Variants in NID1 observed in about 807,000 individuals in gnomAD.
The protein encoded by NID1 is nidogen 1.
NID1 carries 76 observed loss-of-function variants against 130.6 expected under a neutral mutation model. That is an observed-to-expected ratio of 0.58 (90% CI 0.48 to 0.70). The LOEUF (loss-of-function observed/expected upper bound fraction) is 0.70, where lower values mean the gene tolerates loss of function less well. Among genes scored for constraint, NID1 ranks in the 30% least tolerant of loss-of-function variants. The pLI is 0.00. For synonymous variants in NID1, 665 were observed against 675.1 expected (o/e 0.98, Z 0.23); for missense variants, 1,517 against 1,664.8 (o/e 0.91, Z 1.54).
chr1:235,981,850 A>G, intron 15 of NID1, 68 bp from the exon 16 acceptor site: 1 of 1,402,298 alleles, frequency 7.1e-7, no homozygotes, highest in Non-Finnish European at 9.7e-7. Context: ...GGTTTTTCTG[A>G]ATACTCAATG....
chr1:236,001,949 C>T (rs151246072), intron 12 of NID1, among the ~76,000 whole-genome samples: 8 of 152,338 alleles, frequency 5.3e-5, no homozygotes, highest in South Asian at 2.1e-4. Context: ...AGTCATCATA[C>T]GCTTCAGGTC....
At chr1:236,040,977 A>T (rs1366281367) in intron 4 of NID1, among the ~76,000 whole-genome samples, 1 of 152,136 alleles carries the variant, frequency 6.6e-6, no homozygotes, top group African/African-American at 2.4e-5. Flanking sequence ...AACATCTTTT[A>T]TAAGAAAAAT....
chr1:236,022,136 G>T (rs2102823583), intron 9 of NID1, among the ~76,000 whole-genome samples: 2 of 152,122 alleles, frequency 1.3e-5, no homozygotes, highest in Non-Finnish European at 2.9e-5. Context: ...AGGCATGGTG[G>T]CACACTTGTA....
At chr1:235,984,850 A>G (rs1019380747) in intron 15 of NID1, among the ~76,000 whole-genome samples, 1 of 152,144 alleles carries the variant, frequency 6.6e-6, no homozygotes, top group Non-Finnish European at 1.5e-5. Flanking sequence ...TGGCATCCTT[A>G]ATGAGGAATT....
At chr1:236,003,452 G>A (rs991999640) in intron 12 of NID1, among the ~76,000 whole-genome samples, 3 of 152,188 alleles carry the variant, frequency 2.0e-5, no homozygotes, top group African/African-American at 4.8e-5. Context: ...GGGGCTAATC[G>A]TACCAGCAGT....
In NID1 at chr1:236,029,482, G is replaced by A. The variant is rs3818238; in HGVS notation, c.1738+68C>T. On this transcript the variant is annotated intron_variant, in intron 7 of 19. Coordinates refer to ENST00000264187, the MANE Select transcript of NID1 (RefSeq NM_002508.3). ...GAGACAGCCCCAGTTCACGGCTGCCGTGGTGGGTCAAGAGCACGAGGCTAG... is the reference window on the plus strand; with the variant it reads ...GAGACAGCCCCAGTTCACGGCTGCCATGGTGGGTCAAGAGCACGAGGCTAG... 113,402 of 1,464,492 alleles carry A rather than the reference G, an allele frequency of 0.077. 9,415 individuals are homozygous for A. Among genetic ancestry groups the A allele is most frequent in the East Asian group, 0.43 (17,162 of 40,182 alleles). The allele number at this position is 1,464,492 out of a possible 1,614,324, so 90.7% of individuals were successfully genotyped here. A position where few individuals can be genotyped will look rare whatever the true frequency, so the allele number is the denominator to read the frequency against.
intron 13 of NID1, among the ~76,000 whole-genome samples, 162 bp downstream of exon 13, chr1:235,993,483 T>G (rs1572581823): frequency 1.3e-5 from 2 of 151,188 alleles, no homozygotes; most frequent in African/African-American, 4.9e-5. Flanking sequence ...AGGAGCGGGG[T>G]AAGTGAGAGG....
intron 1 of NID1, among the ~76,000 whole-genome samples, chr1:236,059,213 G>A (rs1659977767): frequency 6.6e-6 from 1 of 152,148 alleles, no homozygotes; most frequent in Admixed American, 6.5e-5. Flanking sequence ...GAGACACTGG[G>A]GGCAAAAGTC....
intron 7 of NID1, 148 bp downstream of exon 7, chr1:236,029,402 A>G (rs1659030621): frequency 1.4e-6 from 1 of 720,254 alleles, no homozygotes; most frequent in Admixed American, 2.5e-5. Context: ...TCCTATGTCT[A>G]TAATTGAGGG....
chr1:235,977,960 G>T lies in NID1; in HGVS notation c.3651C>A (p.Gly1217=). ...QGHNYCSVNN[G]GCTHLCLATP... ...TGGCCAAGCATAGGTGGGTGCAGCC[G>T]CCATTGTTCACTGAGCAGTAGTTAT... Residue 1217 remains glycine, a synonymous_variant, in exon 20 of 20, where the codon GGC becomes GGA. Transcript: ENST00000264187. The T allele has an allele frequency of 3.7e-6, 6 of 1,614,072 alleles. No homozygotes were observed. The highest frequency in any genetic ancestry group is 5.1e-6 in the Non-Finnish European group (6 of 1,179,964).
In NID1 at chr1:236,050,024, A is replaced by G. The variant is rs372317649; in HGVS notation, c.226-1035T>C. On this transcript the variant is annotated intron_variant, in intron 1 of 19. Transcript: ENST00000264187. ...GCATTCCAGCCTGGGCAACAGAGCA[A>G]GACTTCATCTCAGGGGAAAAAAAAA... Among the ~76,000 whole-genome samples, 324 of 149,098 alleles carry G rather than the reference A, an allele frequency of 2.2e-3. 1 individual carries two copies. The highest frequency in any genetic ancestry group is 7.8e-3 in the African/African-American group (314 of 40,174).
intron 1 of NID1, among the ~76,000 whole-genome samples, chr1:236,057,971 C>T (rs1027080577): frequency 6.6e-6 from 1 of 152,082 alleles, no homozygotes; most frequent in East Asian, 1.9e-4. Flanking sequence ...TCCTGACTCC[C>T]AATGGCAGCA....
intron 1 of NID1, 130 bp from the exon 2 acceptor site, chr1:236,049,119 T>C (rs1169482698): frequency 3.0e-6 from 3 of 997,184 alleles, no homozygotes; most frequent in African/African-American, 3.3e-5. Flanking sequence ...CTGAGAAAGA[T>C]ACGAGCCTGA....
intron 12 of NID1, among the ~76,000 whole-genome samples, chr1:235,999,499 C>T (rs1658017876): frequency 6.6e-6 from 1 of 151,776 alleles, no homozygotes; most frequent in East Asian, 1.9e-4. Context: ...GCTGAGTGTC[C>T]CTGGCCCCCA....
Position 236,013,449 on chromosome 1 carries a change from C to T in NID1, c.2366G>A (p.Cys789Tyr). ...YTGGSSYTCS[C>Y]LPGFSGDGQA... ...GCCATCCCCAGAAAAGCCTGGCAAGCAGGAACAGGTGTAGGAGGAGCCTCC... is the reference window on the plus strand; with the variant it reads ...GCCATCCCCAGAAAAGCCTGGCAAGTAGGAACAGGTGTAGGAGGAGCCTCC... Residue 789 changes from cysteine (C) to tyrosine (Y), a missense_variant, in exon 11 of 20, where the codon TGC becomes TAC. Physicochemically the swap from Cys to Tyr is radical, Grantham distance 194. Transcript: ENST00000264187. The T allele has an allele frequency of 1.2e-6, 2 of 1,614,078 alleles. No individual in the cohort carries two copies. Among genetic ancestry groups the T allele is most frequent in the South Asian group, 1.1e-5 (1 of 91,072 alleles).
At chr1:236,025,213 A>G (rs1658888039) in intron 8 of NID1, among the ~76,000 whole-genome samples, 1 of 150,924 alleles carries the variant, frequency 6.6e-6, no homozygotes, top group African/African-American at 2.4e-5. Context: ...TGGCCTCCCA[A>G]AGTACTGGGA....
chr1:236,036,307 A>G (rs557064496), intron 5 of NID1, among the ~76,000 whole-genome samples: 2 of 152,332 alleles, frequency 1.3e-5, no homozygotes, highest in East Asian at 3.9e-4. Flanking sequence ...AGCATACTCA[A>G]TTGTCTTCCA....
chr1:236,041,231 C>G (rs1659440859), intron 4 of NID1, among the ~76,000 whole-genome samples: 1 of 151,960 alleles, frequency 6.6e-6, no homozygotes, highest in African/African-American at 2.4e-5. Context: ...CCACGCCCAG[C>G]TAATTTTTGT....
chr1:235,994,703 T>C (rs1204237278), intron 12 of NID1, among the ~76,000 whole-genome samples: 4 of 151,120 alleles, frequency 2.6e-5, no homozygotes, highest in African/African-American at 7.3e-5. Flanking sequence ...TCTTCTTCTT[T>C]TTTTTTTTTT....
Sources: allele counts gnomAD v4.1 joint callset (sites outside exome capture counted in the v4.1 genomes callset), GRCh38; gene constraint gnomAD v4.1.1; transcripts MANE v1.5; gene names NCBI Gene and HGNC (gene_info 2026-07-23, HGNC 2026-07-21).